The following ULK4 variants were observed in gnomAD, a reference collection of about 807,000 sequenced individuals.
ULK4 encodes the protein unc-51 like kinase 4.
A neutral mutation model predicts 160.6 loss-of-function variants in ULK4; 133 were observed. The ratio of observed to expected loss-of-function variants is 0.83; its 90% CI spans 0.72 to 0.96. The LOEUF is 0.96. Among genes scored for constraint, ULK4 ranks in the 40% least tolerant of loss-of-function variants. The pLI, the probability that ULK4 is intolerant of heterozygous loss-of-function variation, is 0.00. For synonymous variants in ULK4, 534 were observed against 539.8 expected (o/e 0.99, Z 0.15); for missense variants, 1,580 against 1,499.5 (o/e 1.05, Z -0.89).
intron 31 of ULK4, among the ~76,000 whole-genome samples, chr3:41,595,561 G>A (rs374314067): frequency 6.6e-6 from 1 of 152,194 alleles, no homozygotes; most frequent in Non-Finnish European, 1.5e-5. Flanking sequence ...CTGAACCTTC[G>A]TGGTCAGATG....
chr3:41,590,147 C>T (rs111287584), intron 31 of ULK4, among the ~76,000 whole-genome samples: 6,440 of 151,782 alleles, frequency 0.042, 209 homozygotes, highest in South Asian at 0.13. Context: ...GGACTACAGG[C>T]GCCTGCCACC....
intron 32 of ULK4, among the ~76,000 whole-genome samples, chr3:41,506,504 T>C (rs993163537): frequency 6.6e-6 from 1 of 151,938 alleles, no homozygotes; most frequent in Non-Finnish European, 1.5e-5. Flanking sequence ...GTAGAAATCC[T>C]GGATTGTAGT....
chr3:41,382,441 T>C (rs1320289485), intron 35 of ULK4, among the ~76,000 whole-genome samples: 1 of 152,254 alleles, frequency 6.6e-6, no homozygotes, highest in Non-Finnish European at 1.5e-5. Flanking sequence ...TTCACTTTGA[T>C]AAATGTTAGT....
At chr3:41,276,774 C>G (rs2079236069) in intron 35 of ULK4, among the ~76,000 whole-genome samples, 5 of 152,174 alleles carry the variant, frequency 3.3e-5, no homozygotes, top group Admixed American at 3.3e-4. Flanking sequence ...CTGGGCAAAA[C>G]ATTAAAAGAC....
At chr3:41,687,932 G>A (rs1318726473) in intron 27 of ULK4, 2 of 152,230 alleles carry the variant, frequency 1.3e-5, no homozygotes, top group African/African-American at 4.8e-5. Flanking sequence ...CAAGGGCTGG[G>A]GGAATGGGTG....
intron 31 of ULK4, among the ~76,000 whole-genome samples, chr3:41,605,669 C>G (rs1191307538): frequency 6.6e-6 from 1 of 151,988 alleles, no homozygotes; most frequent in Admixed American, 6.6e-5. Context: ...TCTGTAGACC[C>G]TGTCACCCCT....
intron 17 of ULK4, among the ~76,000 whole-genome samples, chr3:41,847,324 C>T (rs1156593535): frequency 6.6e-6 from 1 of 152,164 alleles, no homozygotes; most frequent in African/African-American, 2.4e-5. Flanking sequence ...ACATAATTTG[C>T]TTGCTCTTGA....
intron 34 of ULK4, among the ~76,000 whole-genome samples, chr3:41,442,682 C>T (rs28481304): frequency 0.25 from 37,315 of 151,598 alleles, 4,830 homozygotes; most frequent in African/African-American, 0.31. Flanking sequence ...TTACCTTGAA[C>T]TCCTGGGCTC....
intron 35 of ULK4, among the ~76,000 whole-genome samples, chr3:41,306,118 G>C (rs553419347): frequency 9.7e-6 from 1 of 103,164 alleles, no homozygotes; most frequent in South Asian, 3.1e-4. Flanking sequence ...CACCCCGTCC[G>C]GGAGGGAGGT....
At chr3:41,306,480 G>A (rs2079939041) in intron 35 of ULK4, among the ~76,000 whole-genome samples, 1 of 146,522 alleles carries the variant, frequency 6.8e-6, no homozygotes, top group Non-Finnish European at 1.5e-5. Context: ...AGGTGGGGGG[G>A]TCAGCCCCCC....
At chr3:41,833,529 C>A (rs2041661255) in intron 18 of ULK4, among the ~76,000 whole-genome samples, 1 of 152,066 alleles carries the variant, frequency 6.6e-6, no homozygotes, top group East Asian at 1.9e-4. Context: ...ATCTCCTGAC[C>A]TCATGATCCA....
In ULK4 at chr3:41,923,687, T is replaced by C. The variant is rs114748983; in HGVS notation, c.542-3869A>G. ...GGCCTTGGTCAGTTGTACCTGCAAT[T>C]GAAGGACAGTGAAGCACAATCTTCT... is the stretch of plus-strand genomic sequence containing the variant. On this transcript the variant is annotated intron_variant, in intron 5 of 36. Transcript: ENST00000301831. 8.5e-3 allele frequency among the ~76,000 whole-genome samples: 1,295 copies of C among 152,294 alleles called. 17 individuals are homozygous for C. Among genetic ancestry groups the C allele is most frequent in the African/African-American group, 0.03 (1,246 of 41,564 alleles).
At chr3:41,409,774 C>A (rs1227757873) in intron 34 of ULK4, among the ~76,000 whole-genome samples, 2 of 151,838 alleles carry the variant, frequency 1.3e-5, no homozygotes, top group East Asian at 1.9e-4. Flanking sequence ...CATGGTGAAA[C>A]CTCATCTCTA....
At chr3:41,847,026 G>C (rs553251548) in intron 17 of ULK4, among the ~76,000 whole-genome samples, 1 of 152,228 alleles carries the variant, frequency 6.6e-6, no homozygotes, top group East Asian at 1.9e-4. Flanking sequence ...AGGCATGACT[G>C]GTTGGCTGAA....
chr3:41,332,817 C>G (rs59177612), intron 35 of ULK4, among the ~76,000 whole-genome samples: 11,403 of 152,180 alleles, frequency 0.075, 1,102 homozygotes, highest in African/African-American at 0.21. Flanking sequence ...TTCCTTCCCC[C>G]TCTAGTAGTC....
chr3:41,812,286 A>AAAAC (rs1276081732), intron 19 of ULK4, among the ~76,000 whole-genome samples: 5 of 152,174 alleles, frequency 3.3e-5, no homozygotes, highest in Non-Finnish European at 7.4e-5. Flanking sequence ...CCCTGTCTCA[A>AAAAC]AAACAAACAA....
rs2125613195 is a variant in ULK4 at position 41,571,852 on chromosome 3, T to C, written c.3121-5722A>G. Among the ~76,000 whole-genome samples the C allele has an allele frequency of 1.3e-5, 2 of 152,318 alleles. 1 individual carries two copies. Among genetic ancestry groups the C allele is most frequent in the South Asian group, 4.1e-4 (2 of 4,830 alleles). ...TGATAAAGCAAGGAGTCTACACTTT[T>C]GGTGCCCTGATACATGCAAGGAGAG... On this transcript the variant is annotated intron_variant, in intron 31 of 36. Coordinates refer to ENST00000301831, the MANE Select transcript of ULK4 (RefSeq NM_017886.4).
chr3:41,765,748 T>C (rs2039140644), intron 21 of ULK4, among the ~76,000 whole-genome samples: 1 of 152,192 alleles, frequency 6.6e-6, no homozygotes, highest in African/African-American at 2.4e-5. Context: ...CTTATAATAC[T>C]ATATATCTTT....
At chr3:41,300,454 T>C (rs2079761735) in intron 35 of ULK4, among the ~76,000 whole-genome samples, 1 of 152,174 alleles carries the variant, frequency 6.6e-6, no homozygotes, top group African/African-American at 2.4e-5. Flanking sequence ...CATAAGCATA[T>C]TGAAGGGATA....
Sources: allele counts gnomAD v4.1 joint callset (sites outside exome capture counted in the v4.1 genomes callset), GRCh38; gene constraint gnomAD v4.1.1; transcripts MANE v1.5; gene names NCBI Gene and HGNC (gene_info 2026-07-23, HGNC 2026-07-21).